The following GSE1 variants were observed in gnomAD, a reference collection of about 807,000 sequenced individuals.
GSE1 encodes Gse1 coiled-coil protein, also known as genetic suppressor element 1.
Under a neutral mutation model 112.6 loss-of-function variants are expected in GSE1, and 32 were observed. The observed-to-expected ratio is 0.28, with a 90% CI of 0.21 to 0.38. GSE1 has a LOEUF of 0.38. Ranked by LOEUF, GSE1 falls within the 10% of genes least tolerant of loss-of-function variation. The pLI is 1.00. For synonymous variants in GSE1, 1,115 were observed against 735.6 expected (o/e 1.52, Z -8.35); for missense variants, 2,348 against 1,699.2 (o/e 1.38, Z -6.71).
intron 1 of GSE1, among the ~76,000 whole-genome samples, chr16:85,587,577 G>A (rs996528602): frequency 1.3e-5 from 2 of 152,102 alleles, no homozygotes; most frequent in African/African-American, 2.4e-5. Flanking sequence ...GATCCTGGGC[G>A]AGGTGGGGGC....
At chr16:85,226,327 A>C (rs73257934) in intron 1 of GSE1, among the ~76,000 whole-genome samples, 2,787 of 152,330 alleles carry the variant, frequency 0.018, 89 homozygotes, top group African/African-American at 0.064. Context: ...CCATTTTATG[A>C]TAGTCATCTA....
At chr16:85,613,465 A>T in intron 1 of GSE1, 67 bp downstream of exon 1, 1 of 1,403,832 alleles carries the variant, frequency 7.1e-7, no homozygotes, top group African/African-American at 1.5e-5. Context: ...GTCCTCCTGC[A>T]AGTTCGCGGG....
At chr16:85,249,450 C>T (rs972651357) in intron 1 of GSE1, among the ~76,000 whole-genome samples, 49 of 152,250 alleles carry the variant, frequency 3.2e-4, no homozygotes, top group Admixed American at 3.2e-3. Flanking sequence ...CTGCCGTCAG[C>T]CCGTTTCAGA....
chr16:85,313,897 C>G (rs1341614851), intron 1 of GSE1, among the ~76,000 whole-genome samples: 1 of 151,086 alleles, frequency 6.6e-6, no homozygotes, highest in East Asian at 2.0e-4. Flanking sequence ...GGGTGATGTG[C>G]TACAGCACTA....
intron 1 of GSE1, among the ~76,000 whole-genome samples, chr16:85,589,475 C>T (rs146618584): frequency 0.012 from 1,779 of 152,232 alleles, 20 homozygotes; most frequent in Non-Finnish European, 0.016. Flanking sequence ...GGAGCCATGG[C>T]GGGAACCTGG....
At chr16:85,484,290 G>T (rs549511855) in intron 2 of GSE1, among the ~76,000 whole-genome samples, 1 of 152,248 alleles carries the variant, frequency 6.6e-6, no homozygotes, top group East Asian at 1.9e-4. Flanking sequence ...AGGGGTCTGC[G>T]CTCAGAGCCA....
chr16:85,539,910 G>A (rs1052446743), intron 2 of GSE1, among the ~76,000 whole-genome samples: 5 of 152,188 alleles, frequency 3.3e-5, no homozygotes, highest in African/African-American at 9.7e-5. Context: ...CCTGGCCCTC[G>A]TGGGGCCTGT....
intron 2 of GSE1, among the ~76,000 whole-genome samples, chr16:85,531,905 CTCTCTCTTGGTGTCCT>C (rs1384115507): frequency 6.6e-6 from 1 of 152,192 alleles, no homozygotes; most frequent in Admixed American, 6.5e-5. Context: ...GCTCTCCTCC[CTCTCTCTTGGTGTCCT>C]CAGAGAGAAC....
At chr16:85,216,915 C>T (rs1011540962) in intron 1 of GSE1, among the ~76,000 whole-genome samples, 6 of 152,232 alleles carry the variant, frequency 3.9e-5, no homozygotes, top group Non-Finnish European at 8.8e-5. Context: ...TTTGCAGCAC[C>T]CCCTCTTTGG....
At chr16:85,603,369 G>A (rs577126501) in intron 1 of GSE1, among the ~76,000 whole-genome samples, 3 of 152,342 alleles carry the variant, frequency 2.0e-5, no homozygotes, top group African/African-American at 7.2e-5. Context: ...AGCCCCCAGT[G>A]CCCGAGGGTC....
At chr16:85,523,316 G>A (rs2052254108) in intron 2 of GSE1, among the ~76,000 whole-genome samples, 1 of 152,098 alleles carries the variant, frequency 6.6e-6, no homozygotes, top group African/African-American at 2.4e-5. Flanking sequence ...GGTTGTGCGT[G>A]CCCTGTGTGT....
chr16:85,551,956 C>G (rs570076580), upstream of GSE1, among the ~76,000 whole-genome samples: 3 of 152,360 alleles, frequency 2.0e-5, no homozygotes, highest in African/African-American at 4.8e-5. Context: ...GTCTGGCCTA[C>G]CCACCGCCAG....
At chr16:85,294,345 G>A (rs1381635875) in intron 1 of GSE1, among the ~76,000 whole-genome samples, 1 of 152,208 alleles carries the variant, frequency 6.6e-6, no homozygotes, top group Non-Finnish European at 1.5e-5. Flanking sequence ...TCTGGAGTCT[G>A]CGCTTAAAGT....
At chr16:85,256,388 A>C (rs949180352) in intron 1 of GSE1, among the ~76,000 whole-genome samples, 3 of 152,260 alleles carry the variant, frequency 2.0e-5, no homozygotes, top group Non-Finnish European at 4.4e-5. Context: ...CACCCTGTAT[A>C]AGGCAGACGC....
At chr16:85,304,009 G>C (rs2045596674) in intron 1 of GSE1, among the ~76,000 whole-genome samples, 1 of 152,232 alleles carries the variant, frequency 6.6e-6, no homozygotes, top group Non-Finnish European at 1.5e-5. Flanking sequence ...GGCAGGAGAA[G>C]GTTCCAGAAG....
chr16:85,644,156 T>C (rs1490264403), intron 2 of GSE1, among the ~76,000 whole-genome samples: 1 of 151,958 alleles, frequency 6.6e-6, no homozygotes, highest in Non-Finnish European at 1.5e-5. Flanking sequence ...AGCGAGACCC[T>C]GTCTCTACCA....
chr16:85,515,618 G>T (rs1169981587), intron 2 of GSE1, among the ~76,000 whole-genome samples: 3 of 151,534 alleles, frequency 2.0e-5, no homozygotes, highest in African/African-American at 2.4e-5. Context: ...CTGTGTGGGG[G>T]GAGATCGCCT....
intron 2 of GSE1, among the ~76,000 whole-genome samples, chr16:85,394,050 C>CA (rs1183819779): frequency 6.6e-6 from 1 of 152,182 alleles, no homozygotes. Flanking sequence ...CACTTGTCAC[C>CA]AGGCGTCGAT....
chr16:85,432,262 G>A (rs1290123148), intron 2 of GSE1, among the ~76,000 whole-genome samples: 2 of 152,244 alleles, frequency 1.3e-5, no homozygotes, highest in Admixed American at 6.5e-5. Flanking sequence ...GAGGGAGAGG[G>A]TCTGTACACA....
Sources: gnomAD v4.1 joint callset for allele counts (sites outside exome capture counted in the v4.1 genomes callset) on GRCh38, gnomAD v4.1.1 for gene constraint, MANE v1.5 for transcripts, NCBI Gene and HGNC (gene_info 2026-07-23, HGNC 2026-07-21) for gene names.